The following CELF2 variants were observed in gnomAD, a reference collection of about 807,000 sequenced individuals.
The protein encoded by CELF2 is CUGBP Elav-like family member 2.
A neutral mutation model predicts 62.6 loss-of-function variants in CELF2; 8 were observed. That is an observed-to-expected ratio of 0.13 (90% confidence interval 0.07 to 0.23). CELF2 has a LOEUF of 0.23. Among genes scored for constraint, CELF2 ranks in the 10% least tolerant of loss-of-function variants. The pLI is 1.00. For synonymous variants in CELF2, 258 were observed against 250.0 expected (o/e 1.03, Z -0.30); for missense variants, 333 against 671.0 (o/e 0.50, Z 5.56).
rs1463916167 is a variant in CELF2, at chr10:11,145,866, G to T, written c.75-19620G>T. The stretch of plus-strand genomic sequence containing the variant: ...TGTTTAAAATGTGGATTTTATATAC[G>T]TTGTTTACATTTTATGAGAGAATTA... On this transcript the variant is annotated intron_variant, in intron 1 of 12. Coordinates refer to ENST00000633077, the MANE Select transcript of CELF2 (RefSeq NM_001326342.2). This position sits in a 1 kb window ranked among gnomAD's most constrained non-coding sequence, Gnocchi z 4.3. Among the ~76,000 whole-genome samples, 1 of 152,100 alleles carries T rather than the reference G, an allele frequency of 6.6e-6. No homozygotes were observed. Among genetic ancestry groups the T allele is most frequent in the East Asian group, 1.9e-4 (1 of 5,200 alleles).
intron 1 of CELF2, among the ~76,000 whole-genome samples, chr10:11,062,948 G>A (rs200091533): frequency 4.0e-5 from 6 of 150,450 alleles, no homozygotes; most frequent in East Asian, 2.0e-4. Context: ...CACCCCCCCC[G>A]CCATCAGTCA....
chr10:10,773,683 T>G, the CELF2 span, among the ~76,000 whole-genome samples: 381 of 152,346 alleles, frequency 2.5e-3, 2 homozygotes, highest in African/African-American at 8.6e-3. Context: ...AAATCCTTTA[T>G]ACCAGATAAA....
intron 2 of CELF2, among the ~76,000 whole-genome samples, chr10:11,179,291 AAATC>A (rs1292681869): frequency 6.6e-6 from 1 of 152,212 alleles, no homozygotes; most frequent in Non-Finnish European, 1.5e-5. Context: ...TAAAAAAAAA[AAATC>A]AAAGCTCCAC....
chr10:10,987,806 G>A (rs1386958220), intron 2 of CELF2, among the ~76,000 whole-genome samples: 1 of 152,012 alleles, frequency 6.6e-6, no homozygotes, highest in East Asian at 1.9e-4. Flanking sequence ...CAAAGAACAT[G>A]AATAGACAAT....
the CELF2 span, among the ~76,000 whole-genome samples, chr10:10,704,520 A>T: frequency 2.0e-5 from 3 of 152,216 alleles, no homozygotes; most frequent in Non-Finnish European, 4.4e-5. Context: ...AGAAATAGTG[A>T]ACAATAATAT....
chr10:11,129,714 G>A (rs927578153), intron 1 of CELF2, among the ~76,000 whole-genome samples: 6 of 152,130 alleles, frequency 3.9e-5, no homozygotes, highest in African/African-American at 1.4e-4. Flanking sequence ...CTGTGGGATT[G>A]GTGGTGATAT....
the CELF2 span, among the ~76,000 whole-genome samples, chr10:10,637,314 C>T: frequency 1.3e-5 from 2 of 152,148 alleles, no homozygotes; most frequent in Non-Finnish European, 2.9e-5. Context: ...CTAAAGGCAA[C>T]ATATTTATCT....
At chr10:11,215,453 TGGCATCG>T (rs2063086350) in intron 2 of CELF2, among the ~76,000 whole-genome samples, 1 of 152,294 alleles carries the variant, frequency 6.6e-6, no homozygotes, top group African/African-American at 2.4e-5. Flanking sequence ...GTGGCCAAAC[TGGCATCG>T]GTTTTTCATC....
rs1053621462 is a variant in CELF2, at chr10:11,280,337, G to A, written c.841+5217G>A. On this transcript the variant is annotated intron_variant, in intron 8 of 12. Coordinates refer to ENST00000633077, the MANE Select transcript of CELF2 (RefSeq NM_001326342.2). This position sits in a 1 kb window ranked among gnomAD's most constrained non-coding sequence, Gnocchi z 7.6. ...CACCTGTGCCCGAGAAGCCTAGTCC[G>A]GCTAAGAAGGGAGAGGGAACCTCTG... Among the ~76,000 whole-genome samples the A allele has an allele frequency of 2.0e-5, 3 of 152,190 alleles. No homozygotes were observed. The highest frequency in any genetic ancestry group is 7.2e-5 in the African/African-American group (3 of 41,450).
chr10:10,754,262 T>C, the CELF2 span, among the ~76,000 whole-genome samples: 3 of 151,836 alleles, frequency 2.0e-5, no homozygotes, highest in Non-Finnish European at 4.4e-5. Context: ...CTCCCACCTC[T>C]GCCTCCCAAG....
chr10:11,172,279 G>A (rs573217108), intron 2 of CELF2, among the ~76,000 whole-genome samples: 3 of 152,266 alleles, frequency 2.0e-5, no homozygotes, highest in South Asian at 2.1e-4. Context: ...TTGGCTGACC[G>A]ACGACCTATG....
chr10:11,122,699 A>G (rs1770827589), intron 1 of CELF2, among the ~76,000 whole-genome samples: 1 of 152,276 alleles, frequency 6.6e-6, no homozygotes, highest in African/African-American at 2.4e-5. Flanking sequence ...GCAGTCGTGA[A>G]AGAAATTCTC....
In CELF2 at chr10:11,127,851, A is replaced by G. The variant is rs2058982823; in HGVS notation, c.75-37635A>G. On this transcript the variant is annotated intron_variant, in intron 1 of 12. Coordinates refer to ENST00000633077, the MANE Select transcript of CELF2 (RefSeq NM_001326342.2). ...TAGGTTGTCTGTTCACTCTGATGGT[A>G]GTTTCTTTTGCCATGCAGAAGCTCC... Among the ~76,000 whole-genome samples, 4 of 152,204 alleles carry G rather than the reference A, an allele frequency of 2.6e-5. No individual in the cohort carries two copies. The South Asian group carries it at 8.3e-4, about 32-fold the overall frequency.
intron 1 of CELF2, among the ~76,000 whole-genome samples, chr10:11,116,373 AC>A (rs1483254515): frequency 6.6e-6 from 1 of 152,250 alleles, no homozygotes; most frequent in African/African-American, 2.4e-5. Flanking sequence ...TACAAACTTA[AC>A]ATGGTCAAGA....
chr10:11,294,775 G>A (rs1458736031), intron 9 of CELF2, among the ~76,000 whole-genome samples: 1 of 152,242 alleles, frequency 6.6e-6, no homozygotes, highest in Non-Finnish European at 1.5e-5. Context: ...GCCAGGCGCA[G>A]TGGCAGGTGC....
At chr10:10,654,905 A>G in the CELF2 span, among the ~76,000 whole-genome samples, 4 of 148,816 alleles carry the variant, frequency 2.7e-5, no homozygotes, top group East Asian at 2.0e-4. Flanking sequence ...AGGGTATTCA[A>G]TTAGGAAAAG....
chr10:11,249,028 TG>T, intron 3 of CELF2, 124 bp from the exon 4 acceptor site: 1 of 732,144 alleles, frequency 1.4e-6, no homozygotes, highest in Non-Finnish European at 2.4e-6. Context: ...TAATAGTACC[TG>T]GAGAAGTCTT....
At chr10:11,232,062 TAC>T (rs2068911819) in intron 3 of CELF2, among the ~76,000 whole-genome samples, 1 of 152,220 alleles carries the variant, frequency 6.6e-6, no homozygotes, top group South Asian at 2.1e-4. Flanking sequence ...TACTTATGTA[TAC>T]ATGTGCCATG....
the CELF2 span, among the ~76,000 whole-genome samples, chr10:10,510,620 C>G: frequency 6.6e-6 from 1 of 152,152 alleles, no homozygotes; most frequent in African/African-American, 2.4e-5. Context: ...GGGGTGCTGG[C>G]AGTAAACAAA....
Sources: allele counts gnomAD v4.1 joint callset (sites outside exome capture counted in the v4.1 genomes callset), GRCh38; gene constraint gnomAD v4.1.1; non-coding constraint Gnocchi (gnomAD v3.1); transcripts MANE v1.5; gene names NCBI Gene and HGNC (gene_info 2026-07-23, HGNC 2026-07-21).